The following SH3D19 variants were observed in gnomAD, a reference collection of about 807,000 sequenced individuals.
The protein encoded by SH3D19 is SH3 domain containing 19.
In SH3D19, 58 loss-of-function variants were observed where a neutral mutation model predicts 112.1. That is an observed-to-expected ratio of 0.52 (90% CI 0.42 to 0.64). SH3D19 has a LOEUF of 0.64. Among genes scored for constraint, SH3D19 ranks in the 30% least tolerant of loss-of-function variants. The pLI is 0.00. For synonymous variants in SH3D19, 391 were observed against 448.5 expected (o/e 0.87, Z 1.62); for missense variants, 1,090 against 1,263.4 (o/e 0.86, Z 2.08).
At position 151,245,106 on chromosome 4, in the gene SH3D19, T is replaced by G. The variant is rs536772742; in HGVS notation, c.113-19020A>C. On this transcript the variant is annotated intron_variant, in intron 1 of 19. Transcript: ENST00000604030. Reference sequence around the variant, plus strand: ...TTGCAGTGAGCCGAGATCACGCCACTACACTCCAGCCTGGGCAACAGAGCA... The same window carrying G: ...TTGCAGTGAGCCGAGATCACGCCACGACACTCCAGCCTGGGCAACAGAGCA... Among the ~76,000 whole-genome samples the G allele has an allele frequency of 4.9e-3, 739 of 152,092 alleles. 6 individuals carry two copies. The highest frequency in any genetic ancestry group is 0.01 in the Middle Eastern group (3 of 294).
intron 3 of SH3D19, among the ~76,000 whole-genome samples, chr4:151,182,740 C>T (rs1470596462): frequency 1.3e-5 from 2 of 152,194 alleles, no homozygotes; most frequent in East Asian, 3.8e-4. Flanking sequence ...CATGTGTTGT[C>T]TCATGCTCTT....
intron 9 of SH3D19, among the ~76,000 whole-genome samples, chr4:151,149,968 G>A (rs1194384154): frequency 1.3e-5 from 2 of 151,548 alleles, no homozygotes; most frequent in Non-Finnish European, 2.9e-5. Context: ...GGTGGATCAC[G>A]AGGTCAGGAG....
At chr4:151,191,731 C>T (rs1382507751) in intron 2 of SH3D19, among the ~76,000 whole-genome samples, 8 of 151,672 alleles carry the variant, frequency 5.3e-5, no homozygotes, top group African/African-American at 1.2e-4. Flanking sequence ...CTGCAAGCTT[C>T]ACCTCCCAGG....
At chr4:151,181,182 C>G (rs1760882233) in intron 3 of SH3D19, among the ~76,000 whole-genome samples, 1 of 152,138 alleles carries the variant, frequency 6.6e-6, no homozygotes, top group Non-Finnish European at 1.5e-5. Flanking sequence ...CAGATATAAA[C>G]TATTTTAACC....
At chr4:151,299,878 CT>C (rs1470177380) in intron 1 of SH3D19, among the ~76,000 whole-genome samples, 1 of 152,122 alleles carries the variant, frequency 6.6e-6, no homozygotes, top group Non-Finnish European at 1.5e-5. Flanking sequence ...CTATTTTAAA[CT>C]TCTAAAAACA....
At chr4:151,139,059 A>C (rs1030999360) in intron 13 of SH3D19, among the ~76,000 whole-genome samples, 2 of 151,986 alleles carry the variant, frequency 1.3e-5, no homozygotes, top group Non-Finnish European at 1.5e-5. Flanking sequence ...TCCTGACCTC[A>C]GGTGATCCAT....
chr4:151,196,597 A>G (rs1428661138), intron 2 of SH3D19, among the ~76,000 whole-genome samples: 1 of 152,018 alleles, frequency 6.6e-6, no homozygotes, highest in Non-Finnish European at 1.5e-5. Context: ...TATACTGAAT[A>G]CTCCAGTATG....
chr4:151,199,754 C>T (rs951621567), intron 2 of SH3D19, among the ~76,000 whole-genome samples: 4 of 152,092 alleles, frequency 2.6e-5, no homozygotes, highest in Non-Finnish European at 4.4e-5. Flanking sequence ...CAAATGACAC[C>T]GGAATCCATG....
intron 1 of SH3D19, among the ~76,000 whole-genome samples, chr4:151,302,320 T>C (rs1728504644): frequency 6.6e-6 from 1 of 152,224 alleles, no homozygotes; most frequent in Non-Finnish European, 1.5e-5. Context: ...AGAGGTTGTT[T>C]GTAATCACAG....
chr4:151,190,258 G>T (rs534119495), intron 2 of SH3D19, among the ~76,000 whole-genome samples: 1 of 152,110 alleles, frequency 6.6e-6, no homozygotes, highest in African/African-American at 2.4e-5. Context: ...ATAAAAGTTG[G>T]GGAAATTTGC....
intron 1 of SH3D19, among the ~76,000 whole-genome samples, chr4:151,260,881 T>C (rs974325810): frequency 4.6e-5 from 7 of 152,346 alleles, no homozygotes; most frequent in Non-Finnish European, 7.4e-5. Context: ...TGGGACTCAG[T>C]TGAAAAGTTA....
chr4:151,135,986 A>C, intron 14 of SH3D19, among the ~76,000 whole-genome samples: 1 of 148,868 alleles, frequency 6.7e-6, no homozygotes, highest in Non-Finnish European at 1.5e-5. Context: ...AGACTGTCTC[A>C]AAAACAAAAC....
At chr4:151,128,020 T>G (rs1749796839) in intron 18 of SH3D19, 150 bp downstream of exon 18, 1 of 555,796 alleles carries the variant, frequency 1.8e-6, no homozygotes, top group Non-Finnish European at 2.9e-6. Flanking sequence ...TAACAAAGCA[T>G]ATGAATGAAG....
chr4:151,292,524 G>A (rs1429406975), intron 1 of SH3D19, among the ~76,000 whole-genome samples: 1 of 152,108 alleles, frequency 6.6e-6, no homozygotes, highest in Non-Finnish European at 1.5e-5. Context: ...TTGGAACAAA[G>A]GACATTATAG....
intron 1 of SH3D19, among the ~76,000 whole-genome samples, chr4:151,264,789 T>C (rs1049575637): frequency 3.0e-4 from 45 of 152,306 alleles, no homozygotes; most frequent in African/African-American, 1.1e-3. Context: ...TATTTTCTTT[T>C]TTTCCTTTTT....
At chr4:151,126,878 A>G (rs929225389) in intron 19 of SH3D19, among the ~76,000 whole-genome samples, 2 of 151,620 alleles carry the variant, frequency 1.3e-5, no homozygotes, top group Admixed American at 1.3e-4. Flanking sequence ...GGTGAAAAAA[A>G]AAAAAAAAAA....
At chr4:151,149,383 G>T in intron 10 of SH3D19, 117 bp downstream of exon 10, 1 of 768,062 alleles carries the variant, frequency 1.3e-6, no homozygotes, top group Non-Finnish European at 2.1e-6. Context: ...TGAAATCGGT[G>T]AGATTATTTT....
rs142024156 is a variant in SH3D19 at position 151,153,638 on chromosome 4, G to A, written c.1756-4077C>T. On this transcript the variant is annotated intron_variant, in intron 9 of 19. Transcript: ENST00000604030. Reference sequence around the variant, plus strand: ...AAAAGGGATTTCTTAGGCACAGATTGACTTTCAGGTCCCAGAAATCTATAT... The same window carrying A: ...AAAAGGGATTTCTTAGGCACAGATTAACTTTCAGGTCCCAGAAATCTATAT... Among the ~76,000 whole-genome samples, 194 of 152,252 alleles carry A rather than the reference G, an allele frequency of 1.3e-3. 1 individual carries two copies. The highest frequency in any genetic ancestry group is 4.4e-3 in the African/African-American group (182 of 41,534).
chr4:151,239,504 C>T (rs1209213472), intron 1 of SH3D19, among the ~76,000 whole-genome samples: 1 of 152,034 alleles, frequency 6.6e-6, no homozygotes, highest in Non-Finnish European at 1.5e-5. Context: ...GGAAAGAATG[C>T]ATTTTGAAGT....
Sources: allele counts gnomAD v4.1 joint callset (sites outside exome capture counted in the v4.1 genomes callset), GRCh38; gene constraint gnomAD v4.1.1; transcripts MANE v1.5; gene names NCBI Gene and HGNC (gene_info 2026-07-23, HGNC 2026-07-21).